CELF2: variants seen among roughly 807,000 people sequenced by gnomAD.
CELF2 encodes CUG triplet repeat RNA-binding protein 2.
In CELF2, 8 loss-of-function variants were observed where a neutral mutation model predicts 62.6. The observed-to-expected ratio is 0.13, with a 90% CI of 0.07 to 0.23. CELF2 has a LOEUF of 0.23. Ranked by LOEUF, CELF2 falls within the 10% of genes least tolerant of loss-of-function variation. CELF2 has a pLI of 1.00. For synonymous variants in CELF2, 258 were observed against 250.0 expected (o/e 1.03, Z -0.30); for missense variants, 333 against 671.0 (o/e 0.50, Z 5.56).
At chr10:10,694,811 T>G in the CELF2 span, among the ~76,000 whole-genome samples, 10 of 151,814 alleles carry the variant, frequency 6.6e-5, no homozygotes, top group South Asian at 2.1e-4. Flanking sequence ...TAAAGTCTGT[T>G]TTATCAGAGA....
At chr10:11,102,898 C>T (rs1456129531) in intron 1 of CELF2, among the ~76,000 whole-genome samples, 2 of 152,120 alleles carry the variant, frequency 1.3e-5, no homozygotes, top group African/African-American at 4.8e-5. Flanking sequence ...ATTTTCCTTT[C>T]TTTTCATCGT....
chr10:11,256,387 C>T (rs959255382), intron 4 of CELF2, among the ~76,000 whole-genome samples: 1 of 151,944 alleles, frequency 6.6e-6, no homozygotes, highest in Admixed American at 6.6e-5. Flanking sequence ...ATTGCCTATT[C>T]GCTAAATGAA....
intron 1 of CELF2, among the ~76,000 whole-genome samples, chr10:11,061,494 C>G (rs2066710861): frequency 6.6e-6 from 1 of 152,198 alleles, no homozygotes; most frequent in Admixed American, 6.5e-5. Flanking sequence ...GAAGACCTAG[C>G]AAGATCATTG....
the CELF2 span, among the ~76,000 whole-genome samples, chr10:10,683,497 T>A: frequency 6.6e-6 from 1 of 152,190 alleles, no homozygotes; most frequent in South Asian, 2.1e-4. Flanking sequence ...ATTTGCCACA[T>A]CTACAGTAGG....
chr10:10,765,522 A>G, the CELF2 span, among the ~76,000 whole-genome samples: 2 of 152,152 alleles, frequency 1.3e-5, no homozygotes, highest in African/African-American at 4.8e-5. Flanking sequence ...CCCGACCACA[A>G]TTGGGCTTTA....
At chr10:11,320,742 A>G in intron 10 of CELF2, 1 of 1,092,050 alleles carries the variant, frequency 9.2e-7, no homozygotes, top group Non-Finnish European at 1.3e-6. Context: ...TTTCCTCCTC[A>G]GCCCTGCAAG....
intron 1 of CELF2, among the ~76,000 whole-genome samples, chr10:10,878,503 G>T (rs2061250796): frequency 6.6e-6 from 1 of 152,166 alleles, no homozygotes. Flanking sequence ...CCTGAGATTG[G>T]GGGGCTTCTG....
chr10:11,045,420 A>G (rs945004092), intron 1 of CELF2, among the ~76,000 whole-genome samples: 7 of 152,130 alleles, frequency 4.6e-5, no homozygotes, highest in Non-Finnish European at 8.8e-5. Flanking sequence ...TTATACCTTA[A>G]CATGTCACTA....
At chr10:10,849,553 G>A (rs1412917556) in intron 1 of CELF2, among the ~76,000 whole-genome samples, 2 of 152,192 alleles carry the variant, frequency 1.3e-5, no homozygotes, top group East Asian at 3.8e-4. Flanking sequence ...TTGAGACTGA[G>A]TTACAGATCT....
chr10:10,525,613 T>G, the CELF2 span, among the ~76,000 whole-genome samples: 5,686 of 152,316 alleles, frequency 0.037, 341 homozygotes, highest in African/African-American at 0.13. Flanking sequence ...TTTGCCTGGC[T>G]TATTTTAATG....
At chr10:10,676,314 A>AC in the CELF2 span, among the ~76,000 whole-genome samples, 1 of 152,178 alleles carries the variant, frequency 6.6e-6, no homozygotes, top group Non-Finnish European at 1.5e-5. Flanking sequence ...GGGGAAGTCC[A>AC]CACAGCTGGG....
At chr10:11,081,824 A>G (rs1330918338) in intron 1 of CELF2, among the ~76,000 whole-genome samples, 2 of 152,212 alleles carry the variant, frequency 1.3e-5, no homozygotes, top group Non-Finnish European at 2.9e-5. Flanking sequence ...TAAGAAAGAA[A>G]GGCTTTCAGG....
At chr10:11,103,712 G>C (rs572096352) in intron 1 of CELF2, among the ~76,000 whole-genome samples, 23 of 152,150 alleles carry the variant, frequency 1.5e-4, no homozygotes, top group South Asian at 4.2e-4. Flanking sequence ...GGTTATATTT[G>C]TCCTTCCCTC....
intron 1 of CELF2, among the ~76,000 whole-genome samples, chr10:11,103,366 A>T (rs2052375067): frequency 6.6e-6 from 1 of 150,544 alleles, no homozygotes; most frequent in Non-Finnish European, 1.5e-5. Context: ...TTCCCATAAC[A>T]TTATAGAAGC....
intron 2 of CELF2, among the ~76,000 whole-genome samples, chr10:10,998,414 A>G (rs2054186902): frequency 6.6e-6 from 1 of 152,172 alleles, no homozygotes; most frequent in South Asian, 2.1e-4. Flanking sequence ...CATTTGCCAT[A>G]TTTACAAGGA....
the CELF2 span, among the ~76,000 whole-genome samples, chr10:10,717,306 G>C: frequency 6.6e-6 from 1 of 151,714 alleles, no homozygotes; most frequent in African/African-American, 2.4e-5. Flanking sequence ...TTTTTTTAAC[G>C]TGCTAGCATG....
chr10:10,864,614 G>T (rs1005636884), intron 1 of CELF2, among the ~76,000 whole-genome samples: 1 of 152,090 alleles, frequency 6.6e-6, no homozygotes, highest in Non-Finnish European at 1.5e-5. Flanking sequence ...TGGGGGAAGC[G>T]TTCTGGCTCA....
At chr10:11,234,453 C>A (rs924569298) in intron 3 of CELF2, among the ~76,000 whole-genome samples, 1 of 152,088 alleles carries the variant, frequency 6.6e-6, no homozygotes, top group East Asian at 1.9e-4. Flanking sequence ...GAGGCCGAGG[C>A]GGGTGGATCA....
At chr10:10,886,529 G>A (rs556489514) in intron 1 of CELF2, among the ~76,000 whole-genome samples, 9 of 152,212 alleles carry the variant, frequency 5.9e-5, no homozygotes, top group South Asian at 4.2e-4. Context: ...GAGCCTGAAC[G>A]TGTATGTGCA....
Sources: allele counts gnomAD v4.1 joint callset (sites outside exome capture counted in the v4.1 genomes callset), GRCh38; gene constraint gnomAD v4.1.1; transcripts MANE v1.5; gene names NCBI Gene and HGNC (gene_info 2026-07-23, HGNC 2026-07-21).